PRP4K: variants seen among roughly 807,000 people sequenced by gnomAD.
PRP4K encodes the protein serine/threonine-protein kinase PRP4 homolog.
the PRP4K span, chr6:4,060,517 G>C: frequency 1.2e-6 from 2 of 1,613,928 alleles, no homozygotes; most frequent in Non-Finnish European, 1.7e-6. The surrounding 1 kb of genome is among the most constrained non-coding windows in gnomAD (Gnocchi z 4.7). Flanking sequence ...AAGTACACCA[G>C]CTAAAGGACT....
At chr6:4,022,134 CTT>C in the PRP4K span, among the ~76,000 whole-genome samples, 2 of 120,912 alleles carry the variant, frequency 1.7e-5, no homozygotes, top group South Asian at 5.4e-4. Context: ...AAGATAGAGT[CTT>C]TGGTTTTGAG....
chr6:4,054,022 GC>G, the PRP4K span, among the ~76,000 whole-genome samples: 1 of 151,976 alleles, frequency 6.6e-6, no homozygotes, highest in Non-Finnish European at 1.5e-5. Flanking sequence ...CAGTTCTCCT[GC>G]CTCCGCCTCC....
At chr6:4,034,815 C>T in the PRP4K span, among the ~76,000 whole-genome samples, 1 of 151,518 alleles carries the variant, frequency 6.6e-6, no homozygotes, top group Non-Finnish European at 1.5e-5. Flanking sequence ...TGGGTTCAAG[C>T]GATTCTCCTG....
the PRP4K span, chr6:4,032,359 A>C: frequency 6.2e-7 from 1 of 1,614,074 alleles, no homozygotes. Flanking sequence ...CCAATTATAA[A>C]TGAAAGTAGA....
the PRP4K span, among the ~76,000 whole-genome samples, chr6:4,030,122 T>C: frequency 6.6e-6 from 1 of 152,116 alleles, no homozygotes; most frequent in Admixed American, 6.5e-5. Context: ...TTTGTATTTT[T>C]AGTAGAGAGG....
chr6:4,056,312 G>A, the PRP4K span: 6 of 1,586,764 alleles, frequency 3.8e-6, no homozygotes, highest in Non-Finnish European at 5.2e-6. Flanking sequence ...TTGAAAAAAT[G>A]TTTTGCAGGT....
chr6:4,037,476 C>A, the PRP4K span: 4,053 of 1,613,958 alleles, frequency 2.5e-3, 11 homozygotes, highest in Non-Finnish European at 3.2e-3. Context: ...GTCTCCAACC[C>A]GAAGAAGAAG....
the PRP4K span, among the ~76,000 whole-genome samples, chr6:4,037,854 G>C: frequency 6.7e-6 from 1 of 149,520 alleles, no homozygotes; most frequent in East Asian, 1.9e-4. Flanking sequence ...GCCAGACTTA[G>C]GGATTTTTTT....
the PRP4K span, chr6:4,032,445 A>G: frequency 6.2e-7 from 1 of 1,614,180 alleles, no homozygotes; most frequent in Non-Finnish European, 8.5e-7. Context: ...GTCACGGTCC[A>G]AAGAGAGAAA....
At chr6:4,027,020 G>T in the PRP4K span, among the ~76,000 whole-genome samples, 1 of 152,218 alleles carries the variant, frequency 6.6e-6, no homozygotes, top group African/African-American at 2.4e-5. Context: ...GGAGCAGGGT[G>T]ACCGTGGGAG....
chr6:4,057,234 C>G, the PRP4K span: 2 of 1,568,578 alleles, frequency 1.3e-6, no homozygotes, highest in Non-Finnish European at 1.7e-6. Flanking sequence ...TTCTTATTAA[C>G]TGACAAGACT....
At chr6:4,031,120 G>A in the PRP4K span, among the ~76,000 whole-genome samples, 1 of 152,164 alleles carries the variant, frequency 6.6e-6, no homozygotes, top group East Asian at 1.9e-4. Context: ...GTCTTCCAGT[G>A]TATGTTAATA....
At chr6:4,056,933 A>G in the PRP4K span, 4 of 1,213,612 alleles carry the variant, frequency 3.3e-6, no homozygotes, top group Non-Finnish European at 4.6e-6. Flanking sequence ...GATTGTGGTT[A>G]TAGTCCAAGC....
At chr6:4,022,304 G>GAAAAAAAA in the PRP4K span, among the ~76,000 whole-genome samples, 1 of 137,378 alleles carries the variant, frequency 7.3e-6, no homozygotes. Flanking sequence ...AATGAAAAAT[G>GAAAAAAAA]AAAAAAAAAA....
chr6:4,038,612 A>G, the PRP4K span, among the ~76,000 whole-genome samples: 2 of 152,070 alleles, frequency 1.3e-5, no homozygotes, highest in Non-Finnish European at 2.9e-5. Flanking sequence ...GCTTTTGCCT[A>G]ATTTCATCAC....
At chr6:4,021,424 A>G in the PRP4K span, 9 of 1,583,308 alleles carry the variant, frequency 5.7e-6, no homozygotes, top group South Asian at 3.5e-5. Flanking sequence ...AGGAAGTTCA[A>G]GATGGCCGCC....
At chr6:4,032,875 T>C in the PRP4K span, 3 of 1,143,024 alleles carry the variant, frequency 2.6e-6, no homozygotes, top group Non-Finnish European at 3.4e-6. Flanking sequence ...AATGAAGTAG[T>C]AATGAGTTTC....
chr6:4,047,852 ATG>A, the PRP4K span, among the ~76,000 whole-genome samples: 1 of 151,904 alleles, frequency 6.6e-6, no homozygotes, highest in Non-Finnish European at 1.5e-5. Context: ...GAGAAGATAA[ATG>A]TAACAGGGAA....
At chr6:4,048,238 A>G in the PRP4K span, among the ~76,000 whole-genome samples, 3 of 152,030 alleles carry the variant, frequency 2.0e-5, no homozygotes, top group Non-Finnish European at 4.4e-5. Context: ...AATAAGCCGG[A>G]CGTGGTGGCG....
Sources: allele counts gnomAD v4.1 joint callset (sites outside exome capture counted in the v4.1 genomes callset), GRCh38; gene constraint gnomAD v4.1.1; non-coding constraint Gnocchi (gnomAD v3.1); transcripts MANE v1.5; gene names NCBI Gene and HGNC (gene_info 2026-07-23, HGNC 2026-07-21).